EML6: variants seen among roughly 807,000 people sequenced by gnomAD.
The protein encoded by EML6 is EMAP like 6, also known as echinoderm microtubule-associated protein-like 6.
In EML6, 154 loss-of-function variants were observed where a neutral mutation model predicts 240.1. The observed-to-expected ratio is 0.64, with a 90% CI of 0.56 to 0.73. The LOEUF is 0.73. EML6 is among the 30% of genes least tolerant of loss of function. EML6 has a pLI of 0.00. For synonymous variants in EML6, 1,148 were observed against 899.0 expected (o/e 1.28, Z -4.95); for missense variants, 2,964 against 2,474.6 (o/e 1.20, Z -4.20).
chr2:54,796,634 A>G (rs1034260766), intron 2 of EML6, among the ~76,000 whole-genome samples: 4 of 152,082 alleles, frequency 2.6e-5, no homozygotes, highest in Non-Finnish European at 5.9e-5. Flanking sequence ...GCACACACAC[A>G]CTTAAGTGAC....
At chr2:54,823,900 CAG>C (rs995003896) in intron 5 of EML6, among the ~76,000 whole-genome samples, 14 of 147,544 alleles carry the variant, frequency 9.5e-5, no homozygotes, top group Non-Finnish European at 1.5e-4. Flanking sequence ...CTCTCTCTCT[CAG>C]AGAGAGATCA....
At chr2:54,883,721 C>G (rs1671966868) in intron 17 of EML6, among the ~76,000 whole-genome samples, 3 of 152,298 alleles carry the variant, frequency 2.0e-5, no homozygotes, top group African/African-American at 7.2e-5. Flanking sequence ...CACATACACA[C>G]ATGCACATGT....
intron 7 of EML6, among the ~76,000 whole-genome samples, chr2:54,840,864 A>C (rs966324240): frequency 2.0e-5 from 3 of 152,212 alleles, no homozygotes; most frequent in Admixed American, 2.0e-4. Flanking sequence ...TTTTTTGCTG[A>C]TGTTGAAATA....
At chr2:54,950,286 C>T (rs1319735578) in intron 29 of EML6, among the ~76,000 whole-genome samples, 1 of 152,206 alleles carries the variant, frequency 6.6e-6, no homozygotes, top group Admixed American at 6.5e-5. Flanking sequence ...ACCTCTGAGC[C>T]ACCATTCAGC....
At chr2:54,759,642 T>C (rs1667888991) in intron 2 of EML6, among the ~76,000 whole-genome samples, 1 of 152,078 alleles carries the variant, frequency 6.6e-6, no homozygotes, top group South Asian at 2.1e-4. Flanking sequence ...CTAAAAACTT[T>C]ACATGTACCA....
intron 9 of EML6, 115 bp downstream of exon 9, chr2:54,847,738 A>AGT: frequency 8.9e-7 from 1 of 1,121,514 alleles, no homozygotes; most frequent in Non-Finnish European, 1.3e-6. Flanking sequence ...CCATTCAAAT[A>AGT]GGAATACTAT....
intron 2 of EML6, among the ~76,000 whole-genome samples, chr2:54,792,949 C>G (rs769190730): frequency 1.5e-4 from 23 of 152,064 alleles, no homozygotes; most frequent in Non-Finnish European, 2.6e-4. Context: ...AGCATCTGAG[C>G]TTTTTCTTAA....
At chr2:54,957,087 C>T (rs1012120950) in intron 32 of EML6, among the ~76,000 whole-genome samples, 13 of 152,100 alleles carry the variant, frequency 8.5e-5, no homozygotes, top group Non-Finnish European at 4.4e-5. Context: ...ATCTGCACTG[C>T]ACCTTCTGAA....
intron 41 of EML6, among the ~76,000 whole-genome samples, chr2:54,969,234 C>A (rs1396732593): frequency 1.3e-5 from 2 of 152,206 alleles, no homozygotes; most frequent in Non-Finnish European, 2.9e-5. Flanking sequence ...CTAGGTCATT[C>A]TAACTCACTC....
At chr2:54,741,514 T>G (rs546674120) in intron 2 of EML6, among the ~76,000 whole-genome samples, 1 of 152,020 alleles carries the variant, frequency 6.6e-6, no homozygotes, top group Non-Finnish European at 1.5e-5. Context: ...CAGTGACACA[T>G]CAGCACCAGA....
At chr2:54,896,853 C>T (rs145081028) in intron 21 of EML6, among the ~76,000 whole-genome samples, 37 of 152,242 alleles carry the variant, frequency 2.4e-4, no homozygotes, top group African/African-American at 7.7e-4. Context: ...CAAATCCCAC[C>T]CTGGATATCC....
rs778550389 is a variant in EML6, at chr2:54,853,704, C to T, written c.1506C>T (p.Cys502=). 11 of 1,550,906 alleles carry T rather than the reference C, an allele frequency of 7.1e-6. No individual in the cohort carries two copies. In the South Asian group the frequency reaches 9.5e-5, roughly 13 times the overall value. Residue 502 remains cysteine (C), a synonymous_variant, in exon 11 of 42, where the codon TGC becomes TGT. Coordinates refer to ENST00000356458, the MANE Select transcript of EML6 (RefSeq NM_001039753.4). ...GGATTCCTTGGGCCTCCTGGACATG[C>T]GTGAAAGGCCCTGAAGTGAGTGGAA... ...IKGIPWASWT[C]VKGPEVSGIW...
intron 2 of EML6, among the ~76,000 whole-genome samples, chr2:54,726,382 A>G (rs1293052568): frequency 2.0e-5 from 3 of 152,338 alleles, no homozygotes; most frequent in South Asian, 2.1e-4. Flanking sequence ...TTCTCAGTGC[A>G]GAGAATGATT....
intron 25 of EML6, among the ~76,000 whole-genome samples, chr2:54,914,128 A>G (rs989508826): frequency 6.6e-6 from 1 of 152,174 alleles, no homozygotes; most frequent in African/African-American, 2.4e-5. Context: ...TGCTTTGACT[A>G]TTCAGCCTCT....
intron 17 of EML6, among the ~76,000 whole-genome samples, chr2:54,889,218 C>G (rs1428246796): frequency 1.3e-5 from 2 of 152,008 alleles, no homozygotes; most frequent in African/African-American, 2.4e-5. Context: ...GTTTTAATAC[C>G]TAGGAGAGCT....
At chr2:54,830,264 A>G (rs1170263549) in intron 7 of EML6, among the ~76,000 whole-genome samples, 2 of 152,192 alleles carry the variant, frequency 1.3e-5, no homozygotes, top group Non-Finnish European at 2.9e-5. Flanking sequence ...AGAGGAAGTC[A>G]TAGCACTGTT....
chr2:54,853,674 T>G lies in EML6; in HGVS notation c.1476T>G (p.Ile492Met). 1.3e-6 allele frequency: 2 copies of G among 1,548,786 alleles called. No individual in the cohort carries two copies. Among genetic ancestry groups the G allele is most frequent in the Non-Finnish European group, 1.7e-6 (2 of 1,145,408 alleles). The stretch of plus-strand genomic sequence containing the variant: ...AGCCTTTAACAAGTAAAGAAGAAAT[T>G]AAAGGGATTCCTTGGGCCTCCTGGA... ...SGKPLTSKEE[I>M]KGIPWASWTC... is the part of the protein sequence containing the mutation. Residue 492 changes from isoleucine to methionine, a missense_variant, in exon 11 of 42, where the codon ATT (isoleucine) becomes ATG (methionine). Ile to Met is a conservative substitution (Grantham distance 10, BLOSUM62 1). Transcript: ENST00000356458.
chr2:54,810,999 T>G (rs1667815052), intron 2 of EML6, among the ~76,000 whole-genome samples: 4 of 152,192 alleles, frequency 2.6e-5, no homozygotes, highest in Admixed American at 2.0e-4. Context: ...CAAAATCTTC[T>G]GTCAACTTTA....
chr2:54,874,737 G>A (rs1031567834), intron 16 of EML6, among the ~76,000 whole-genome samples: 4 of 152,180 alleles, frequency 2.6e-5, no homozygotes, highest in East Asian at 1.9e-4. Flanking sequence ...GTGGGGACCT[G>A]TGGTGACTCC....
Sources: allele counts gnomAD v4.1 joint callset (sites outside exome capture counted in the v4.1 genomes callset), GRCh38; gene constraint gnomAD v4.1.1; transcripts MANE v1.5; gene names NCBI Gene and HGNC (gene_info 2026-07-23, HGNC 2026-07-21).